Variants in PARD3 observed in about 807,000 individuals in gnomAD.
PARD3 encodes the protein partitioning defective 3 homolog.
PARD3 carries 75 observed loss-of-function variants against 155.4 expected under a neutral mutation model. The ratio of observed to expected loss-of-function variants is 0.48; its 90% CI spans 0.40 to 0.58. PARD3 has a LOEUF of 0.58. Ranked by LOEUF, PARD3 falls within the 20% of genes least tolerant of loss-of-function variation. The pLI, the probability that PARD3 is intolerant of heterozygous loss-of-function variation, is 0.00. For missense variants in PARD3, 1,642 were observed against 1,721.7 expected (o/e 0.95, Z 0.82); for synonymous variants, 576 against 610.5 (o/e 0.94, Z 0.83).
At chr10:34,752,620 A>G (rs1836194291) in intron 1 of PARD3, among the ~76,000 whole-genome samples, 1 of 152,082 alleles carries the variant, frequency 6.6e-6, no homozygotes, top group Non-Finnish European at 1.5e-5. Context: ...TTGTGTGATC[A>G]AGTGTAATCA....
chr10:34,641,065 G>A (rs1438432074), intron 2 of PARD3, among the ~76,000 whole-genome samples: 1 of 152,242 alleles, frequency 6.6e-6, no homozygotes, highest in East Asian at 1.9e-4. Context: ...ACAATTTCCA[G>A]AACAATATAC....
chr10:34,287,443 T>A (rs760610994), intron 20 of PARD3, among the ~76,000 whole-genome samples: 4 of 152,100 alleles, frequency 2.6e-5, no homozygotes, highest in Admixed American at 6.5e-5. Flanking sequence ...AACACCATGC[T>A]GTGACACCGA....
At chr10:34,634,195 G>GA (rs2092385140) in intron 2 of PARD3, among the ~76,000 whole-genome samples, 1 of 152,094 alleles carries the variant, frequency 6.6e-6, no homozygotes, top group Admixed American at 6.5e-5. Flanking sequence ...TGGAAACCCA[G>GA]AAAAAATAGG....
At chr10:34,757,604 G>C (rs761334935) in intron 1 of PARD3, among the ~76,000 whole-genome samples, 1 of 151,980 alleles carries the variant, frequency 6.6e-6, no homozygotes, top group Non-Finnish European at 1.5e-5. Flanking sequence ...CCAGCTACTC[G>C]GGAGGCTGAG....
At chr10:34,299,754 T>G (rs1957066430) in intron 20 of PARD3, among the ~76,000 whole-genome samples, 1 of 152,218 alleles carries the variant, frequency 6.6e-6, no homozygotes, top group African/African-American at 2.4e-5. Flanking sequence ...TTTTTCTGTT[T>G]GTTCATTAAA....
chr10:34,442,660 G>A (rs562666887), intron 5 of PARD3, among the ~76,000 whole-genome samples: 2 of 152,226 alleles, frequency 1.3e-5, no homozygotes, highest in African/African-American at 2.4e-5. Context: ...CTTGAAGCCA[G>A]GAGTTTGAGA....
chr10:34,664,261 A>T (rs1170088415), intron 2 of PARD3, among the ~76,000 whole-genome samples: 1 of 151,268 alleles, frequency 6.6e-6, no homozygotes, highest in Non-Finnish European at 1.5e-5. Context: ...GGAGTGCAGT[A>T]GCGTGATCTC....
rs138947217 is a variant in PARD3 at position 34,186,125 on chromosome 10, G to C, written c.3420-54542C>G. On this transcript the variant is annotated intron_variant, in intron 22 of 24. Transcript: ENST00000374788. Reference sequence around the variant, plus strand: ...ACCCTGCAACCCAAACAACGAGCAGGGGGGAGGCATCACATAGGGGAGGAG... The same window carrying C: ...ACCCTGCAACCCAAACAACGAGCAGCGGGGAGGCATCACATAGGGGAGGAG... 4.1e-3 allele frequency among the ~76,000 whole-genome samples: 619 copies of C among 151,892 alleles called. 3 individuals are homozygous for C. The highest frequency in any genetic ancestry group is 0.027 in the Middle Eastern group (8 of 294).
chr10:34,315,464 C>T (rs534776768), intron 20 of PARD3, among the ~76,000 whole-genome samples: 2 of 152,274 alleles, frequency 1.3e-5, no homozygotes, highest in South Asian at 4.1e-4. Context: ...AACTAACAAG[C>T]CGTTAGAGCT....
At chr10:34,605,537 C>CAATATA (rs1491263758) in intron 2 of PARD3, among the ~76,000 whole-genome samples, 1 of 25,708 alleles carries the variant, frequency 3.9e-5, no homozygotes, top group Non-Finnish European at 5.8e-5. Context: ...TATATATCTC[C>CAATATA]TATATATATA....
chr10:34,215,968 A>G (rs1951984924), intron 22 of PARD3, among the ~76,000 whole-genome samples: 1 of 152,220 alleles, frequency 6.6e-6, no homozygotes, highest in African/African-American at 2.4e-5. Context: ...TGTAGTTGTT[A>G]GTATTTAGAA....
chr10:34,635,470 G>A (rs577281144), intron 2 of PARD3, among the ~76,000 whole-genome samples: 4 of 152,300 alleles, frequency 2.6e-5, no homozygotes, highest in African/African-American at 7.2e-5. Context: ...ACAGGGGTAC[G>A]ACAATGACGG....
chr10:34,708,902 C>G (rs771474075), intron 1 of PARD3, among the ~76,000 whole-genome samples: 9 of 152,022 alleles, frequency 5.9e-5, no homozygotes, highest in African/African-American at 2.4e-5. Flanking sequence ...TCTTAATTGT[C>G]CATGTGATAA....
intron 2 of PARD3, among the ~76,000 whole-genome samples, chr10:34,656,454 C>A (rs1414531509): frequency 6.6e-6 from 1 of 152,160 alleles, no homozygotes; most frequent in Non-Finnish European, 1.5e-5. Context: ...AGGAGAGTGA[C>A]GTGCATTTCA....
intron 15 of PARD3, among the ~76,000 whole-genome samples, chr10:34,346,968 G>T (rs1172625986): frequency 1.3e-5 from 2 of 152,154 alleles, no homozygotes; most frequent in Non-Finnish European, 1.5e-5. Context: ...ACTCATCTTT[G>T]TATCTACAGC....
chr10:34,252,367 G>A (rs1954367245), intron 22 of PARD3, among the ~76,000 whole-genome samples: 2 of 151,520 alleles, frequency 1.3e-5, no homozygotes, highest in Admixed American at 1.3e-4. Context: ...AATTTGCCTG[G>A]GCTGCCAACC....
At chr10:34,484,188 T>C (rs2079283337) in intron 3 of PARD3, among the ~76,000 whole-genome samples, 1 of 152,200 alleles carries the variant, frequency 6.6e-6, no homozygotes, top group Non-Finnish European at 1.5e-5. Context: ...CAGCCTCAAC[T>C]GGAAACATAT....
chr10:34,507,727 T>C (rs1217367683), intron 3 of PARD3, among the ~76,000 whole-genome samples: 1 of 152,112 alleles, frequency 6.6e-6, no homozygotes, highest in Non-Finnish European at 1.5e-5. Context: ...TTACAGCAAT[T>C]TTGTATCCCA....
At chr10:34,485,910 C>T (rs542082188) in intron 3 of PARD3, among the ~76,000 whole-genome samples, 3 of 138,932 alleles carry the variant, frequency 2.2e-5, no homozygotes, top group Non-Finnish European at 3.0e-5. Flanking sequence ...GCTGTTTAAA[C>T]GTTTTGGGTT....
Sources: gnomAD v4.1 joint callset for allele counts (sites outside exome capture counted in the v4.1 genomes callset) on GRCh38, gnomAD v4.1.1 for gene constraint, MANE v1.5 for transcripts, NCBI Gene and HGNC (gene_info 2026-07-23, HGNC 2026-07-21) for gene names.